The following FGF13 variants were observed in gnomAD, a reference collection of about 807,000 sequenced individuals.
The protein encoded by FGF13 is fibroblast growth factor homologous factor 2.
Under a neutral mutation model 19.5 loss-of-function variants are expected in FGF13, and 2 were observed. The observed-to-expected ratio is 0.10, with a 90% CI of 0.04 to 0.32. The LOEUF (loss-of-function observed/expected upper bound fraction) is 0.32, where lower values mean the gene tolerates loss of function less well. Ranked by LOEUF, FGF13 falls within the 10% of genes least tolerant of loss-of-function variation. The pLI, the probability that FGF13 is intolerant of heterozygous loss-of-function variation, is 1.00. For synonymous variants in FGF13, 72 were observed against 76.9 expected, an observed-to-expected ratio of 0.94 and a Z score of 0.33; for missense variants, 113 against 192.7, an observed-to-expected ratio of 0.59 and a Z score of 2.45.
chrX:138,698,391 G>A (rs2089916106), intron 3 of FGF13, among the ~76,000 whole-genome samples: 2 of 111,376 alleles, frequency 1.8e-5, no homozygotes, highest in Admixed American at 9.6e-5. Context: ...AAATAAGAAC[G>A]CTCTTCCAGG....
At chrX:138,830,415 A>G (rs1035824022) in intron 3 of FGF13, among the ~76,000 whole-genome samples, 8 of 111,854 alleles carry the variant, frequency 7.2e-5, no homozygotes, top group African/African-American at 2.6e-4. Context: ...AGTAAAGACC[A>G]TCCTTGTTAT....
intron 3 of FGF13, among the ~76,000 whole-genome samples, chrX:138,773,897 C>T (rs746430985): frequency 7.2e-5 from 8 of 111,334 alleles, no homozygotes; most frequent in African/African-American, 9.8e-5. Flanking sequence ...TAAAGCCAAC[C>T]GAGAACAGGT....
chrX:138,872,212 T>C (rs1203424663), intron 1 of FGF13, among the ~76,000 whole-genome samples: 1 of 111,810 alleles, frequency 8.9e-6, no homozygotes, highest in Non-Finnish European at 1.9e-5. Context: ...ATAGATACCC[T>C]TTGATAATAA....
chrX:138,706,252 T>C (rs762837770), intron 2 of FGF13, among the ~76,000 whole-genome samples: 2 of 112,699 alleles, frequency 1.8e-5, no homozygotes, highest in Non-Finnish European at 3.8e-5. Flanking sequence ...AGGGCAGACA[T>C]AATAAAATTA....
chrX:138,649,094 G>A (rs779388202), intron 3 of FGF13, among the ~76,000 whole-genome samples: 14 of 111,591 alleles, frequency 1.3e-4, no homozygotes, highest in Non-Finnish European at 2.6e-4. Context: ...TAGTCTTAGC[G>A]CTCACATTGA....
At chrX:138,960,046 G>A (rs2091861552) in intron 1 of FGF13, among the ~76,000 whole-genome samples, 1 of 111,880 alleles carries the variant, frequency 8.9e-6, no homozygotes, top group African/African-American at 3.2e-5. Flanking sequence ...TGTTATGTGT[G>A]AATTTGATCC....
chrX:138,711,658 C>T lies in FGF13; in HGVS notation c.-655G>A, dbSNP rs916178860. ...TCTTCGCTGTTGCTGCTGCTCTGGG[C>T]GCGGCACAGTCGCAGCACAGGAATT... On this transcript the variant is annotated 5_prime_UTR_variant, in exon 1 of 5. Transcript: ENST00000315930. 9.4e-5 allele frequency: 71 copies of T among 753,088 alleles called. No individual in the cohort carries two copies. The highest frequency in any genetic ancestry group is 1.1e-4 in the Non-Finnish European group (70 of 638,589). 62.1% of individuals were successfully genotyped at this position (753,088 alleles called of 1,213,427 possible). A position where few individuals can be genotyped will look rare whatever the true frequency, so the allele number is the denominator to read the frequency against.
chrX:139,027,641 AC>A (rs1484979412), intron 1 of FGF13, among the ~76,000 whole-genome samples: 1 of 112,247 alleles, frequency 8.9e-6, no homozygotes, highest in Non-Finnish European at 1.9e-5. Context: ...TGTTCAAAAC[AC>A]AGAGAGGTGT....
intron 1 of FGF13, among the ~76,000 whole-genome samples, chrX:139,088,459 T>C (rs1188608677): frequency 2.7e-5 from 3 of 109,755 alleles, no homozygotes; most frequent in African/African-American, 1.0e-4. Flanking sequence ...TGGTGGGGCT[T>C]CTGATGCAAG....
intron 3 of FGF13, among the ~76,000 whole-genome samples, chrX:138,674,436 A>C (rs1216274556): frequency 1.8e-5 from 2 of 111,384 alleles, no homozygotes; most frequent in Admixed American, 9.6e-5. Context: ...CAAGGGCTGG[A>C]GTATTGCCAG....
intron 1 of FGF13, among the ~76,000 whole-genome samples, chrX:138,966,017 T>C (rs1194484513): frequency 8.9e-6 from 1 of 112,273 alleles, no homozygotes; most frequent in Non-Finnish European, 1.9e-5. Flanking sequence ...GTCAACTTCA[T>C]TGGATTAAAG....
intron 3 of FGF13, among the ~76,000 whole-genome samples, chrX:138,762,563 G>A (rs972973523): frequency 4.5e-5 from 5 of 111,322 alleles, no homozygotes; most frequent in Non-Finnish European, 3.8e-5. Flanking sequence ...CTTCAATTCT[G>A]TCTTATGAGG....
intron 1 of FGF13, among the ~76,000 whole-genome samples, chrX:138,970,683 T>A (rs1413202454): frequency 5.4e-5 from 6 of 111,316 alleles, no homozygotes; most frequent in Admixed American, 2.9e-4. Flanking sequence ...AAAATGCATT[T>A]AGGAGTTAAT....
chrX:138,875,851 G>A (rs1293647695), intron 1 of FGF13, among the ~76,000 whole-genome samples: 1 of 111,534 alleles, frequency 9.0e-6, no homozygotes, highest in Admixed American at 9.6e-5. Flanking sequence ...CAGCTCTCCC[G>A]GTTCTCAGGC....
intron 1 of FGF13, among the ~76,000 whole-genome samples, chrX:138,728,776 G>A (rs1342656850): frequency 9.0e-6 from 1 of 110,698 alleles, no homozygotes; most frequent in Admixed American, 9.6e-5. Context: ...CTACTGTTGT[G>A]AAGTGTAAAA....
chrX:138,938,610 C>T (rs1057439011), intron 1 of FGF13, among the ~76,000 whole-genome samples: 2 of 111,124 alleles, frequency 1.8e-5, no homozygotes, highest in Admixed American at 1.9e-4. Flanking sequence ...CTACTTAGCC[C>T]CTGGCATAGT....
intron 1 of FGF13, among the ~76,000 whole-genome samples, chrX:138,978,542 G>A (rs955502724): frequency 8.0e-5 from 9 of 112,213 alleles, no homozygotes; most frequent in African/African-American, 3.2e-5. Context: ...GATTACAGGC[G>A]CGAGCCACCG....
intron 2 of FGF13, among the ~76,000 whole-genome samples, chrX:138,859,801 G>C (rs751203031): frequency 5.3e-5 from 6 of 112,222 alleles, no homozygotes; most frequent in Non-Finnish European, 1.1e-4. Flanking sequence ...AAAACATGAA[G>C]GTCATAAAAG....
chrX:138,664,400 A>G (rs891633227), intron 3 of FGF13, among the ~76,000 whole-genome samples: 3 of 111,551 alleles, frequency 2.7e-5, no homozygotes, highest in African/African-American at 6.5e-5. Context: ...TATTCAATAC[A>G]TGTACGAGTC....
Sources: allele counts gnomAD v4.1 joint callset (sites outside exome capture counted in the v4.1 genomes callset), GRCh38; gene constraint gnomAD v4.1.1; transcripts MANE v1.5; gene names NCBI Gene and HGNC (gene_info 2026-07-23, HGNC 2026-07-21).